ACP3: variants seen among roughly 807,000 people sequenced by gnomAD.
ACP3 encodes the protein acid phosphatase 3, also known as prostatic acid phosphatase.
A neutral mutation model predicts 45.6 loss-of-function variants in ACP3; 38 were observed. The ratio of observed to expected loss-of-function variants is 0.83; its 90% CI spans 0.64 to 1.09. The LOEUF is 1.09. ACP3 is among the 50% of genes least tolerant of loss of function. The probability of loss-of-function intolerance (pLI) is 0.00; values close to 1 mark genes in which losing one functional copy is unlikely to be tolerated. For missense variants in ACP3, 466 were observed against 463.2 expected (o/e 1.01, Z -0.05); for synonymous variants, 162 against 164.7 (o/e 0.98, Z 0.13).
chr3:132,322,797 T>C (rs1937229564), intron 1 of ACP3, among the ~76,000 whole-genome samples: 1 of 152,194 alleles, frequency 6.6e-6, no homozygotes, highest in Non-Finnish European at 1.5e-5. Flanking sequence ...CCTTAAGAGG[T>C]GGGGCCTTTA....
At chr3:132,350,441 G>C (rs1212741660) in intron 8 of ACP3, among the ~76,000 whole-genome samples, 1 of 152,220 alleles carries the variant, frequency 6.6e-6, no homozygotes, top group Non-Finnish European at 1.5e-5. Context: ...TGTCCAAAAA[G>C]TGGTACCAAA....
Position 132,332,089 on chromosome 3 carries a change from T to C in ACP3, c.304-103T>C, listed in dbSNP as rs1937408364. The C allele has an allele frequency of 2.4e-6, 3 of 1,250,558 alleles. No homozygotes were observed. The Admixed American group carries it at 5.6e-5, about 23-fold the overall frequency. 77.5% of individuals were successfully genotyped at this position (1,250,558 alleles called of 1,614,324 possible). On this transcript the variant is annotated intron_variant, in intron 3 of 9. Coordinates refer to ENST00000336375, the MANE Select transcript of ACP3 (RefSeq NM_001099.5). ...ATGTTAGCACAATGTCTGTAATATTTCACTGTGGGTGTCCTTTCCTTTCTC... is the reference window on the plus strand; with the variant it reads ...ATGTTAGCACAATGTCTGTAATATTCCACTGTGGGTGTCCTTTCCTTTCTC...
At chr3:132,323,938 C>A (rs555887230) in intron 1 of ACP3, among the ~76,000 whole-genome samples, 20 of 152,342 alleles carry the variant, frequency 1.3e-4, no homozygotes, top group African/African-American at 4.8e-4. Context: ...CACTTTTAGG[C>A]TGGGCACAGT....
intron 3 of ACP3, 24 bp from the exon 4 acceptor site, chr3:132,332,168 T>G: frequency 6.2e-7 from 1 of 1,614,030 alleles, no homozygotes; most frequent in Non-Finnish European, 8.5e-7. Context: ...TACGTTCGCT[T>G]CTGCTTTGAT....
intron 1 of ACP3, among the ~76,000 whole-genome samples, chr3:132,321,689 A>C (rs1042641670): frequency 2.6e-5 from 4 of 152,156 alleles, no homozygotes; most frequent in Non-Finnish European, 5.9e-5. Context: ...GGAATAATTA[A>C]TTATTCCTCT....
chr3:132,332,556 C>T, intron 4 of ACP3: 1 of 565,532 alleles, frequency 1.8e-6, no homozygotes, highest in Non-Finnish European at 3.0e-6. Context: ...CTGTATGATC[C>T]ACTTTGTTTT....
intron 4 of ACP3, among the ~76,000 whole-genome samples, chr3:132,334,410 G>A (rs1169610194): frequency 6.6e-6 from 1 of 152,200 alleles, no homozygotes; most frequent in Admixed American, 6.5e-5. Flanking sequence ...AGAAATAGGA[G>A]GCGAAGTTTT....
chr3:132,361,927 C>T (rs904465433), downstream of ACP3, among the ~76,000 whole-genome samples: 2 of 152,142 alleles, frequency 1.3e-5, no homozygotes, highest in Non-Finnish European at 1.5e-5. Flanking sequence ...TCTTCCTCTG[C>T]CCTGGCTCCT....
intron 1 of ACP3, among the ~76,000 whole-genome samples, chr3:132,319,398 C>T (rs183981402): frequency 1.8e-4 from 27 of 152,306 alleles, no homozygotes; most frequent in African/African-American, 5.8e-4. Flanking sequence ...ACTGCAAGTA[C>T]TTACTGCAAT....
intron 5 of ACP3, among the ~76,000 whole-genome samples, chr3:132,340,225 G>A (rs1937537409): frequency 6.7e-6 from 1 of 150,362 alleles, no homozygotes; most frequent in South Asian, 2.1e-4. Flanking sequence ...TGAGGCAAGA[G>A]AATCACTTGA....
At position 132,356,733 on chromosome 3, in the gene ACP3, C is replaced by T. The variant is rs1408124009; in HGVS notation, c.1016C>T (p.Pro339Leu). ...TATCGGAATGAGACGCAGCACGAGC[C>T]GTATCCCCTCATGCTACCTGGCTGC... is the stretch of plus-strand genomic sequence containing the variant. ...MYYRNETQHE[P>L]YPLMLPGCSP... is the part of the protein sequence containing the mutation. Residue 339 changes from proline (P) to leucine (L), a missense_variant, in exon 10 of 10, where the codon CCG (proline) becomes CTG (leucine). Coordinates refer to ENST00000336375, the MANE Select transcript of ACP3 (RefSeq NM_001099.5). 9 of 1,614,140 alleles carry T rather than the reference C, an allele frequency of 5.6e-6. No individual in the cohort carries two copies. The highest frequency in any genetic ancestry group is 3.3e-5 in the Admixed American group (2 of 60,022).
chr3:132,319,204 T>G (rs1408913707), intron 1 of ACP3, among the ~76,000 whole-genome samples: 1 of 152,218 alleles, frequency 6.6e-6, no homozygotes, highest in Non-Finnish European at 1.5e-5. Flanking sequence ...ATCTAAGTAC[T>G]TAAGCCAATA....
intron 1 of ACP3, among the ~76,000 whole-genome samples, chr3:132,322,422 T>C (rs990645256): frequency 3.3e-5 from 5 of 152,218 alleles, no homozygotes; most frequent in African/African-American, 1.2e-4. Flanking sequence ...TTTAATTTTC[T>C]TTACCAATGG....
intron 4 of ACP3, chr3:132,333,330 T>A (rs890625539): frequency 4.6e-5 from 7 of 152,660 alleles, no homozygotes; most frequent in Non-Finnish European, 8.8e-5. Context: ...ATCTAACTAA[T>A]CTTCCAGGTG....
intron 10 of ACP3, among the ~76,000 whole-genome samples, chr3:132,367,430 A>G (rs1442755086): frequency 1.3e-5 from 2 of 152,224 alleles, no homozygotes; most frequent in African/African-American, 2.4e-5. Context: ...AGTTAGTGCT[A>G]TAAGAGGACT....
At chr3:132,327,192 T>C (rs915067334) in intron 1 of ACP3, among the ~76,000 whole-genome samples, 3 of 152,242 alleles carry the variant, frequency 2.0e-5, no homozygotes, top group Non-Finnish European at 4.4e-5. Flanking sequence ...ACAAATTGTA[T>C]GTGGTGTTAA....
intron 8 of ACP3, among the ~76,000 whole-genome samples, chr3:132,350,362 T>C (rs926013175): frequency 2.6e-5 from 4 of 152,270 alleles, no homozygotes; most frequent in Middle Eastern, 3.4e-3. Flanking sequence ...GGTTAGTAAG[T>C]GCTCCTCACT....
intron 1 of ACP3, among the ~76,000 whole-genome samples, chr3:132,323,345 G>T (rs1937238875): frequency 6.6e-6 from 1 of 152,138 alleles, no homozygotes; most frequent in Admixed American, 6.6e-5. Context: ...TATGTTCCAG[G>T]CACTGTTTTG....
chr3:132,364,355 A>G (rs1938095684), intron 10 of ACP3, among the ~76,000 whole-genome samples: 1 of 150,376 alleles, frequency 6.6e-6, no homozygotes, highest in Non-Finnish European at 1.5e-5. Flanking sequence ...CTCAAAAAAC[A>G]AAAACAAAAA....
Sources: allele counts gnomAD v4.1 joint callset (sites outside exome capture counted in the v4.1 genomes callset), GRCh38; gene constraint gnomAD v4.1.1; transcripts MANE v1.5; gene names NCBI Gene and HGNC (gene_info 2026-07-23, HGNC 2026-07-21).